Variants in TASOR observed in about 807,000 individuals in gnomAD.
The protein encoded by TASOR is protein TASOR.
TASOR carries 53 observed loss-of-function variants against 178.6 expected under a neutral mutation model. That is an observed-to-expected ratio of 0.30 (90% confidence interval 0.24 to 0.37). TASOR has a LOEUF of 0.37. TASOR is among the 10% of genes least tolerant of loss of function. TASOR has a pLI of 1.00. For missense variants in TASOR, 1,815 were observed against 1,971.4 expected, an observed-to-expected ratio of 0.92 and a Z score of 1.50; for synonymous variants, 713 against 696.2, an observed-to-expected ratio of 1.02 and a Z score of -0.38.
At chr3:56,632,041 G>T (rs1053124032) in intron 18 of TASOR, among the ~76,000 whole-genome samples, 2 of 152,114 alleles carry the variant, frequency 1.3e-5, no homozygotes, top group East Asian at 1.9e-4. Flanking sequence ...ACATGGCTAG[G>T]GTATCAAGAA....
chr3:56,624,412 G>C (rs2076754016), intron 23 of TASOR, 67 bp downstream of exon 23: 1 of 1,521,992 alleles, frequency 6.6e-7, no homozygotes, highest in African/African-American at 1.4e-5. Flanking sequence ...TTCATTATTT[G>C]GTAACAGCAA....
At chr3:56,677,404 G>A (rs1218452053) in intron 1 of TASOR, among the ~76,000 whole-genome samples, 1 of 152,148 alleles carries the variant, frequency 6.6e-6, no homozygotes, top group African/African-American at 2.4e-5. Flanking sequence ...CTTCAATACT[G>A]TACTAAGAGC....
chr3:56,662,890 T>G (rs1032065631), intron 8 of TASOR, among the ~76,000 whole-genome samples: 2 of 152,154 alleles, frequency 1.3e-5, no homozygotes, highest in Non-Finnish European at 2.9e-5. Flanking sequence ...AAAGAAACTT[T>G]AAAATAGGCT....
At chr3:56,628,163 T>C (rs1002826414) in intron 19 of TASOR, among the ~76,000 whole-genome samples, 1 of 152,198 alleles carries the variant, frequency 6.6e-6, no homozygotes, top group African/African-American at 2.4e-5. Flanking sequence ...GGGACTGGTC[T>C]GGCAAAGATG....
At chr3:56,649,117 G>GAC in intron 11 of TASOR, 60 bp from the exon 12 acceptor site, 1 of 1,249,538 alleles carries the variant, frequency 8.0e-7, no homozygotes. Flanking sequence ...CCATAAGGCA[G>GAC]ACACACAGCA....
intron 1 of TASOR, among the ~76,000 whole-genome samples, chr3:56,680,181 C>T (rs1389629471): frequency 1.3e-5 from 2 of 152,100 alleles, no homozygotes; most frequent in Non-Finnish European, 2.9e-5. Context: ...ATTCCATCTC[C>T]ACAACTTAGC....
At chr3:56,638,147 C>CTGAGGTCAGGAGTTTGAG (rs2077053652) in intron 17 of TASOR, among the ~76,000 whole-genome samples, 1 of 151,886 alleles carries the variant, frequency 6.6e-6, no homozygotes, top group African/African-American at 2.4e-5. Context: ...GGTGGATCAC[C>CTGAGGTCAGGAGTTTGAG]TGAGGTCAGG....
intron 17 of TASOR, among the ~76,000 whole-genome samples, chr3:56,637,422 T>C (rs1434502273): frequency 1.3e-5 from 2 of 152,070 alleles, no homozygotes; most frequent in Non-Finnish European, 2.9e-5. Flanking sequence ...CTTGGGAGGC[T>C]GAGGCAGGAG....
intron 14 of TASOR, among the ~76,000 whole-genome samples, chr3:56,642,397 A>T (rs144794147): frequency 6.6e-6 from 1 of 152,362 alleles, no homozygotes; most frequent in Non-Finnish European, 1.5e-5. Context: ...ATAATCTGTA[A>T]CAATCAATAT....
intron 21 of TASOR, among the ~76,000 whole-genome samples, chr3:56,626,743 CA>C (rs1368759104): frequency 5.6e-4 from 77 of 137,032 alleles, no homozygotes; most frequent in Admixed American, 8.1e-4. Context: ...AACTCTATCT[CA>C]AAAAAAAAAA....
Position 56,633,489 on chromosome 3 carries a change from G to A in TASOR, c.3302C>T (p.Pro1101Leu), listed in dbSNP as rs779810934. 118 of 1,614,000 alleles carry A rather than the reference G, an allele frequency of 7.3e-5. No individual in the cohort carries two copies. The highest frequency in any genetic ancestry group is 9.5e-5 in the Non-Finnish European group (112 of 1,180,032). Reference sequence around the variant, plus strand: ...AGCACCAGAATCGTTAGGACTGACTGGTGGCAAATTCCCACCCTTGGCTGA... The same window carrying A: ...AGCACCAGAATCGTTAGGACTGACTAGTGGCAAATTCCCACCCTTGGCTGA... ...KASAKGGNLPPVSPNDSGAKI... is the reference protein window; with the variant it reads ...KASAKGGNLPLVSPNDSGAKI... Residue 1101 changes from proline to leucine, a missense_variant, in exon 18 of 24, where the codon CCA (proline) becomes CTA (leucine). Physicochemically the swap from Pro to Leu is moderately conservative, Grantham distance 98 (BLOSUM62 -3). Around this residue, in one of 5 missense-constraint regions of TASOR, gnomAD observed 655 missense variants for 671.1 expected, o/e 0.98. Coordinates refer to ENST00000683822, the MANE Select transcript of TASOR (RefSeq NM_001365635.2).
chr3:56,660,664 T>C (rs948661545), intron 11 of TASOR, 67 bp downstream of exon 11: 2 of 1,226,958 alleles, frequency 1.6e-6, no homozygotes, highest in Non-Finnish European at 1.2e-6. Context: ...GAAACACTAA[T>C]ATGATCACAC....
chr3:56,639,375 A>G (rs1329176029), intron 16 of TASOR, among the ~76,000 whole-genome samples: 1 of 151,302 alleles, frequency 6.6e-6, no homozygotes, highest in African/African-American at 2.4e-5. Flanking sequence ...ATGTGTGTGT[A>G]TGTATGTGTT....
At chr3:56,680,642 A>G (rs2031701496) in intron 1 of TASOR, among the ~76,000 whole-genome samples, 1 of 152,102 alleles carries the variant, frequency 6.6e-6, no homozygotes, top group South Asian at 2.1e-4. Context: ...CAGCTTGAAC[A>G]AGATAAAATT....
chr3:56,630,133 T>C (rs1244215072), intron 18 of TASOR, among the ~76,000 whole-genome samples: 1 of 151,864 alleles, frequency 6.6e-6, no homozygotes, highest in East Asian at 1.9e-4. Flanking sequence ...GCCTGGCTAA[T>C]TTTTTGTATT....
chr3:56,661,404 C>A (rs2077592548), intron 9 of TASOR, among the ~76,000 whole-genome samples: 1 of 152,184 alleles, frequency 6.6e-6, no homozygotes. Flanking sequence ...GATCCTCCCA[C>A]CTCAGCCTCC....
chr3:56,644,894 G>GT (rs1214683462), intron 14 of TASOR, among the ~76,000 whole-genome samples: 1 of 152,200 alleles, frequency 6.6e-6, no homozygotes, highest in African/African-American at 2.4e-5. Flanking sequence ...TTGTTGAAAT[G>GT]TATTTTAATT....
chr3:56,640,560 C>G (rs1475556172), intron 15 of TASOR, among the ~76,000 whole-genome samples: 4 of 151,972 alleles, frequency 2.6e-5, no homozygotes, highest in Admixed American at 2.6e-4. Context: ...CAGGTTAGTT[C>G]CTCAGTGCCT....
rs1378481317 is a variant in TASOR, at chr3:56,683,059, T to A, written c.-53A>T. ...CTTCTGCCCACAAGGTCGACGGGTG[T>A]GGGGGGAAGGGGCGGCGGGCCAGTC... On this transcript the variant is annotated 5_prime_UTR_variant, in exon 1 of 24. Coordinates refer to ENST00000683822, the MANE Select transcript of TASOR (RefSeq NM_001365635.2). 3 of 1,435,408 alleles carry A rather than the reference T, an allele frequency of 2.1e-6. No individual in the cohort carries two copies. The highest frequency in any genetic ancestry group is 2.7e-6 in the Non-Finnish European group (3 of 1,091,120). 88.9% of individuals were successfully genotyped at this position (1,435,408 alleles called of 1,614,324 possible). A position where few individuals can be genotyped will look rare whatever the true frequency, so the allele number is the denominator to read the frequency against.
Sources: gnomAD v4.1 joint callset for allele counts (sites outside exome capture counted in the v4.1 genomes callset) on GRCh38, gnomAD v4.1.1 for gene constraint, gnomAD v4.1.1 regional missense constraint, MANE v1.5 for transcripts, NCBI Gene and HGNC (gene_info 2026-07-23, HGNC 2026-07-21) for gene names.